Variants in SEPTIN6 observed in about 807,000 individuals in gnomAD.
The protein encoded by SEPTIN6 is septin 6, also known as septin-6.
In SEPTIN6, 8 loss-of-function variants were observed where a neutral mutation model predicts 33.6. The observed-to-expected ratio is 0.24, with a 90% confidence interval of 0.14 to 0.43. The LOEUF is 0.43. Among genes scored for constraint, SEPTIN6 ranks in the 20% least tolerant of loss-of-function variants. The pLI is 1.00. For synonymous variants in SEPTIN6, 131 were observed against 140.0 expected, an observed-to-expected ratio of 0.94 and a Z score of 0.45; for missense variants, 250 against 340.8, an observed-to-expected ratio of 0.73 and a Z score of 2.10.
chrX:119,677,790 G>A lies in SEPTIN6; in HGVS notation c.31-2122C>T, dbSNP rs144971158. Among the ~76,000 whole-genome samples, 146 of 112,762 alleles carry A rather than the reference G, an allele frequency of 1.3e-3. 3 individuals carry two copies. The East Asian group carries it at 0.036, about 28-fold the overall frequency. Reference sequence around the variant, plus strand: ...GTCACTAGATCCTGTGAGGGCAAGCGACAGGGCTAGTGCCGGTGAATGCCA... The same window carrying A: ...GTCACTAGATCCTGTGAGGGCAAGCAACAGGGCTAGTGCCGGTGAATGCCA... On this transcript the variant is annotated intron_variant, in intron 1 of 10. Transcript: ENST00000394610.
chrX:119,628,036 G>A (rs1390705930), intron 9 of SEPTIN6, among the ~76,000 whole-genome samples: 1 of 108,256 alleles, frequency 9.2e-6, no homozygotes, highest in African/African-American at 3.4e-5. Context: ...CTGAACTCAA[G>A]TGATCCACCC....
chrX:119,690,796 C>G (rs2055160240), intron 1 of SEPTIN6, among the ~76,000 whole-genome samples: 1 of 109,677 alleles, frequency 9.1e-6, no homozygotes, highest in South Asian at 3.9e-4. Context: ...TCTTCTGTTC[C>G]CAAACCCTGA....
At chrX:119,692,937 C>T in intron 1 of SEPTIN6, 139 bp downstream of exon 1, 1 of 621,625 alleles carries the variant, frequency 1.6e-6, no homozygotes, top group Non-Finnish European at 2.6e-6. Flanking sequence ...CTGCTGACCC[C>T]GGGAGCAGAA....
Position 119,686,478 on chromosome X carries a change from G to A in SEPTIN6, c.30+6598C>T, listed in dbSNP as rs1274488619. The A allele has an allele frequency of 7.7e-5, 39 of 509,062 alleles. No individual in the cohort carries two copies. In the South Asian group the frequency reaches 9.3e-4, roughly 12 times the overall value. The allele number at this position is 509,062 out of a possible 1,213,427, so 42.0% of individuals were successfully genotyped here. On this transcript the variant is annotated intron_variant, in intron 1 of 10. Coordinates refer to ENST00000394610, the MANE Select transcript of SEPTIN6 (RefSeq NM_145799.4). Reference sequence around the variant, plus strand: ...TCACCTTTAAGTGAGTGGAAGGGCCGGCTGAGAGCGCGCTGCATAATTCAG... The same window carrying A: ...TCACCTTTAAGTGAGTGGAAGGGCCAGCTGAGAGCGCGCTGCATAATTCAG...
At chrX:119,649,045 G>A (rs1412292176) in intron 5 of SEPTIN6, among the ~76,000 whole-genome samples, 1 of 109,819 alleles carries the variant, frequency 9.1e-6, no homozygotes, top group African/African-American at 3.3e-5. Flanking sequence ...GGGGAGGAGA[G>A]GAAAGATGGC....
intron 1 of SEPTIN6, among the ~76,000 whole-genome samples, chrX:119,688,087 G>A (rs1218076563): frequency 7.1e-5 from 8 of 112,108 alleles, no homozygotes; most frequent in Non-Finnish European, 1.3e-4. Context: ...CAGTGAATAT[G>A]TGCTGAAGGA....
intron 5 of SEPTIN6, among the ~76,000 whole-genome samples, chrX:119,644,617 G>A (rs992495637): frequency 4.5e-5 from 5 of 111,065 alleles, no homozygotes; most frequent in Admixed American, 2.9e-4. Context: ...GGGAGGCCAA[G>A]GCAGGTGGAT....
chrX:119,685,885 TC>T (rs376192153), intron 1 of SEPTIN6, among the ~76,000 whole-genome samples: 2 of 111,242 alleles, frequency 1.8e-5, no homozygotes, highest in African/African-American at 6.5e-5. Flanking sequence ...CCCCACTTTT[TC>T]CTCCTGTTTC....
chrX:119,656,998 TA>T (rs1451741559), intron 3 of SEPTIN6, among the ~76,000 whole-genome samples: 200 of 107,760 alleles, frequency 1.9e-3, no homozygotes, highest in African/African-American at 6.3e-3. Context: ...GCAGGCGGAT[TA>T]CCTGAGGTCA....
chrX:119,663,172 G>A (rs1282964059), intron 3 of SEPTIN6, among the ~76,000 whole-genome samples: 1 of 111,959 alleles, frequency 8.9e-6, no homozygotes, highest in Non-Finnish European at 1.9e-5. Flanking sequence ...CTTTTTAGAT[G>A]GTCAGAGCTC....
At chrX:119,651,728 G>A (rs965824453) in intron 4 of SEPTIN6, among the ~76,000 whole-genome samples, 7 of 111,904 alleles carry the variant, frequency 6.3e-5, no homozygotes, top group Admixed American at 5.7e-4. Context: ...GGCTTAACTC[G>A]GCCCATCCAC....
At chrX:119,691,855 G>A (rs965809746) in intron 1 of SEPTIN6, among the ~76,000 whole-genome samples, 4 of 111,540 alleles carry the variant, frequency 3.6e-5, no homozygotes, top group African/African-American at 1.3e-4. Context: ...TTTTCGTCAA[G>A]TAGTATGTGG....
At chrX:119,625,876 C>A (rs1395333466) in intron 9 of SEPTIN6, among the ~76,000 whole-genome samples, 1 of 111,353 alleles carries the variant, frequency 9.0e-6, no homozygotes, top group Non-Finnish European at 1.9e-5. Flanking sequence ...TCTTTAGGGG[C>A]AGCTAAAGGA....
At chrX:119,660,787 A>G (rs1238158564) in intron 3 of SEPTIN6, among the ~76,000 whole-genome samples, 1 of 96,528 alleles carries the variant, frequency 1.0e-5, no homozygotes, top group Non-Finnish European at 2.0e-5. Flanking sequence ...CCAGCAATTT[A>G]GGAAGCCAAG....
intron 6 of SEPTIN6, among the ~76,000 whole-genome samples, chrX:119,639,790 G>C (rs1189791411): frequency 1.8e-5 from 2 of 110,956 alleles, no homozygotes; most frequent in East Asian, 5.6e-4. Context: ...TTCATACAAA[G>C]GGAATCCAAT....
intron 2 of SEPTIN6, among the ~76,000 whole-genome samples, chrX:119,670,704 C>A (rs1461719891): frequency 9.1e-6 from 1 of 109,498 alleles, no homozygotes; most frequent in Non-Finnish European, 1.9e-5. Context: ...TTTGGGAGGC[C>A]GAGGCAGGCA....
At chrX:119,658,093 C>G (rs1427957098) in intron 3 of SEPTIN6, among the ~76,000 whole-genome samples, 1 of 112,134 alleles carries the variant, frequency 8.9e-6, no homozygotes, top group Non-Finnish European at 1.9e-5. Context: ...CGCCACTGCA[C>G]TCCCGTCTGG....
At chrX:119,687,375 A>G (rs1305449625) in intron 1 of SEPTIN6, among the ~76,000 whole-genome samples, 1 of 108,583 alleles carries the variant, frequency 9.2e-6, no homozygotes, top group African/African-American at 3.4e-5. Context: ...TTCAGCCTCC[A>G]GAGTAGCTGG....
intron 6 of SEPTIN6, among the ~76,000 whole-genome samples, chrX:119,637,852 G>C (rs1158036134): frequency 1.8e-5 from 2 of 112,534 alleles, no homozygotes; most frequent in Non-Finnish European, 3.7e-5. Flanking sequence ...TACAAAAATA[G>C]AGGGATAGCC....
Sources: gnomAD v4.1 joint callset for allele counts (sites outside exome capture counted in the v4.1 genomes callset) on GRCh38, gnomAD v4.1.1 for gene constraint, MANE v1.5 for transcripts, NCBI Gene and HGNC (gene_info 2026-07-23, HGNC 2026-07-21) for gene names.